AK8: variants seen among roughly 807,000 people sequenced by gnomAD.
AK8 encodes the protein adenylate kinase 8, also known as ATP-AMP transphosphorylase 8.
Under a neutral mutation model 54.6 loss-of-function variants are expected in AK8, and 44 were observed. The ratio of observed to expected loss-of-function variants is 0.81; its 90% CI spans 0.63 to 1.04. The LOEUF is 1.04. AK8 is among the 50% of genes least tolerant of loss of function. AK8 has a pLI of 0.00. For missense variants in AK8, 555 were observed against 613.6 expected, an observed-to-expected ratio of 0.90 and a Z score of 1.01; for synonymous variants, 239 against 245.6, an observed-to-expected ratio of 0.97 and a Z score of 0.25.
intron 11 of AK8, among the ~76,000 whole-genome samples, chr9:132,783,558 G>T (rs1254962301): frequency 6.7e-6 from 1 of 148,922 alleles, no homozygotes; most frequent in Non-Finnish European, 1.5e-5. Context: ...AAAATGGAAG[G>T]AAAGGGGCAT....
At chr9:132,869,525 G>A (rs538360633) in intron 2 of AK8, among the ~76,000 whole-genome samples, 2 of 152,232 alleles carry the variant, frequency 1.3e-5, no homozygotes, top group Admixed American at 1.3e-4. Flanking sequence ...AAGCGCTGGT[G>A]GTGGGCCCAG....
intron 5 of AK8, among the ~76,000 whole-genome samples, chr9:132,846,411 G>T (rs1158070708): frequency 6.6e-6 from 1 of 152,192 alleles, no homozygotes; most frequent in African/African-American, 2.4e-5. Flanking sequence ...TCCATGACTA[G>T]AACTTCTGTT....
intron 10 of AK8, among the ~76,000 whole-genome samples, chr9:132,801,219 C>G (rs79907455): frequency 1.3e-5 from 2 of 152,170 alleles, no homozygotes; most frequent in Non-Finnish European, 2.9e-5. Flanking sequence ...TGAGCCACCA[C>G]GCCTGGCCAG....
intron 11 of AK8, among the ~76,000 whole-genome samples, chr9:132,777,801 C>T (rs1284677449): frequency 6.6e-6 from 1 of 152,158 alleles, no homozygotes; most frequent in East Asian, 1.9e-4. Flanking sequence ...CAAGAGAGAT[C>T]GCTGCCAAAT....
chr9:132,783,302 C>T (rs79687504), intron 11 of AK8, among the ~76,000 whole-genome samples: 3,731 of 152,192 alleles, frequency 0.025, 150 homozygotes, highest in African/African-American at 0.085. Flanking sequence ...GGCAAGGAAA[C>T]GGATTTTGCC....
intron 11 of AK8, among the ~76,000 whole-genome samples, chr9:132,734,131 G>A (rs754506565): frequency 3.3e-5 from 5 of 152,200 alleles, no homozygotes; most frequent in African/African-American, 4.8e-5. Context: ...ACTCTGACCC[G>A]TGCTTCCAAG....
Position 132,797,915 on chromosome 9 carries a change from G to A in AK8, c.980-5140C>T, listed in dbSNP as rs535319475. ...GCTCTGCCCAGAAGCCTGGCATCAC[G>A]GGCACTTGCCCACATCTGCCTGTGT... is the stretch of plus-strand genomic sequence containing the variant. On this transcript the variant is annotated intron_variant, in intron 10 of 12. Transcript: ENST00000298545. Among the ~76,000 whole-genome samples, 10 of 152,296 alleles carry A rather than the reference G, an allele frequency of 6.6e-5. No individual in the cohort carries two copies. In the East Asian group the frequency reaches 9.7e-4, roughly 15 times the overall value.
chr9:132,787,528 G>A (rs1237321537), intron 11 of AK8, among the ~76,000 whole-genome samples: 1 of 152,112 alleles, frequency 6.6e-6, no homozygotes, highest in African/African-American at 2.4e-5. Flanking sequence ...TATGAAGATA[G>A]AATAGACACT....
At chr9:132,812,892 C>T (rs1841131954) in intron 10 of AK8, among the ~76,000 whole-genome samples, 1 of 133,880 alleles carries the variant, frequency 7.5e-6, no homozygotes, top group South Asian at 2.5e-4. Context: ...CTACACAGAT[C>T]ACCTCATTCT....
chr9:132,858,869 C>A (rs181714343), intron 4 of AK8, among the ~76,000 whole-genome samples: 1 of 152,100 alleles, frequency 6.6e-6, no homozygotes, highest in Admixed American at 6.5e-5. Flanking sequence ...GACAGGCGCA[C>A]GGAAGGACGT....
At chr9:132,731,036 A>G (rs1228883645) in intron 11 of AK8, among the ~76,000 whole-genome samples, 1 of 152,192 alleles carries the variant, frequency 6.6e-6, no homozygotes, top group Non-Finnish European at 1.5e-5. Flanking sequence ...ACTACCGGGT[A>G]TGGATCATAA....
chr9:132,862,608 C>T (rs144303451), intron 4 of AK8, among the ~76,000 whole-genome samples: 177 of 152,232 alleles, frequency 1.2e-3, no homozygotes, highest in Non-Finnish European at 2.1e-3. Context: ...GGATCATAGG[C>T]GTGAGTCATT....
chr9:132,760,056 G>A (rs930245587), intron 11 of AK8, among the ~76,000 whole-genome samples: 2 of 152,160 alleles, frequency 1.3e-5, no homozygotes, highest in African/African-American at 4.8e-5. Context: ...AACCATGAAC[G>A]AGACATTGCC....
chr9:132,872,228 C>G (rs768183789), intron 2 of AK8, among the ~76,000 whole-genome samples: 1 of 151,988 alleles, frequency 6.6e-6, no homozygotes, highest in African/African-American at 2.4e-5. Context: ...CCCAACTACT[C>G]AGGAGGCTGA....
At position 132,790,375 on chromosome 9, in the gene AK8, C is replaced by A. The variant is rs1447929435; in HGVS notation, c.1121+2259G>T. On this transcript the variant is annotated intron_variant, in intron 11 of 12. Transcript: ENST00000298545. The surrounding 1 kb of genome is among the most constrained non-coding windows in gnomAD (Gnocchi z 4.1). ...ACACCATTCTCCTGCCTCAGACTCC[C>A]AAGTAGCTGGGACTACAGGCGGCCG... Among the ~76,000 whole-genome samples the A allele has an allele frequency of 6.6e-6, 1 of 152,110 alleles. No homozygotes were observed. The highest frequency in any genetic ancestry group is 1.5e-5 in the Non-Finnish European group (1 of 68,014).
At position 132,790,874 on chromosome 9, in the gene AK8, T is replaced by C. The variant is rs531028194; in HGVS notation, c.1121+1760A>G. ...TAAGTAAGCCAAAATCAATGTCTTT[T>C]GTATACTCTTGAAAAACCCCCTTAG... is the stretch of plus-strand genomic sequence containing the variant. On this transcript the variant is annotated intron_variant, in intron 11 of 12. Coordinates refer to ENST00000298545, the MANE Select transcript of AK8 (RefSeq NM_152572.3). The surrounding 1 kb of genome is among the most constrained non-coding windows in gnomAD (Gnocchi z 4.1). 6.6e-6 allele frequency among the ~76,000 whole-genome samples: 1 copy of C among 152,256 alleles called. No homozygotes were observed. The highest frequency in any genetic ancestry group is 2.1e-4 in the South Asian group (1 of 4,822).
chr9:132,848,701 T>A (rs1842850868), intron 5 of AK8, among the ~76,000 whole-genome samples: 1 of 152,152 alleles, frequency 6.6e-6, no homozygotes, highest in Admixed American at 6.5e-5. Flanking sequence ...CAAGACCATC[T>A]TGCTAGAAGT....
chr9:132,737,157 A>G (rs1837161009), intron 11 of AK8, among the ~76,000 whole-genome samples: 1 of 152,200 alleles, frequency 6.6e-6, no homozygotes, highest in African/African-American at 2.4e-5. Context: ...TAACACACAC[A>G]CACACACAAA....
At chr9:132,876,178 C>T (rs2131457246) in intron 1 of AK8, among the ~76,000 whole-genome samples, 1 of 152,300 alleles carries the variant, frequency 6.6e-6, no homozygotes, top group East Asian at 1.9e-4. Context: ...ATCAGCAAGT[C>T]CCTTCCCTTC....
Sources: allele counts gnomAD v4.1 joint callset (sites outside exome capture counted in the v4.1 genomes callset), GRCh38; gene constraint gnomAD v4.1.1; non-coding constraint Gnocchi (gnomAD v3.1); transcripts MANE v1.5; gene names NCBI Gene and HGNC (gene_info 2026-07-23, HGNC 2026-07-21).